Variants in SBSPON observed in about 807,000 individuals in gnomAD.
SBSPON encodes somatomedin-B and thrombospondin type-1 domain-containing protein.
SBSPON carries 30 observed loss-of-function variants against 35.8 expected under a neutral mutation model. The ratio of observed to expected loss-of-function variants is 0.84; its 90% CI spans 0.63 to 1.14. SBSPON has a LOEUF of 1.14. SBSPON is among the 50% of genes most tolerant of loss of function. The pLI, the probability that SBSPON is intolerant of heterozygous loss-of-function variation, is 0.00. For synonymous variants in SBSPON, 136 were observed against 135.9 expected, an observed-to-expected ratio of 1.00 and a Z score of 0.00; for missense variants, 364 against 357.7, an observed-to-expected ratio of 1.02 and a Z score of -0.14.
rs1205965290 is a variant in SBSPON at position 73,066,864 on chromosome 8, T to C, written c.*477A>G. On this transcript the variant is annotated 3_prime_UTR_variant, in exon 5 of 5. Transcript: ENST00000297354. ...TAATTTGCTTGAAATTATTTCAGAA[T>C]TTATGGAATATTAAATATATGGAAA... 2 of 152,080 alleles carry C rather than the reference T, an allele frequency of 1.3e-5. No homozygotes were observed. The highest frequency in any genetic ancestry group is 2.9e-5 in the Non-Finnish European group (2 of 68,018). 9.4% of individuals were successfully genotyped at this position (152,080 alleles called of 1,614,324 possible). A position where few individuals can be genotyped will look rare whatever the true frequency, so the allele number is the denominator to read the frequency against.
chr8:73,069,003 A>G (rs1392167163), intron 4 of SBSPON, among the ~76,000 whole-genome samples: 2 of 152,200 alleles, frequency 1.3e-5, no homozygotes, highest in African/African-American at 4.8e-5. Context: ...TCCTGCTACA[A>G]AGTCAGAGTT....
Position 73,081,074 on chromosome 8 carries a change from T to A in SBSPON, c.354A>T (p.Arg118Ser), listed in dbSNP as rs1197916028. The A allele has an allele frequency of 6.2e-7, 1 of 1,612,442 alleles. No homozygotes were observed. Among genetic ancestry groups the A allele is most frequent in the African/African-American group, 1.3e-5 (1 of 74,876 alleles). Residue 118 changes from arginine (R) to serine (S), a missense_variant, in exon 2 of 5, where the codon AGA becomes AGT. By Grantham distance (110) the Arg-to-Ser change is moderately radical (BLOSUM62 -1). Coordinates refer to ENST00000297354, the MANE Select transcript of SBSPON (RefSeq NM_153225.4). ...GGGTGGAGTACTCCAGGCAGCCAGCTCTCTCTTCCAGGGGTGGGCAGGGCG... is the reference window on the plus strand; with the variant it reads ...GGGTGGAGTACTCCAGGCAGCCAGCACTCTCTTCCAGGGGTGGGCAGGGCG... ...GGAPCPPLEE[R>S]AGCLEYSTPQ... is the part of the protein sequence containing the mutation.
intron 2 of SBSPON, among the ~76,000 whole-genome samples, chr8:73,079,070 C>T (rs1020656317): frequency 6.6e-6 from 1 of 152,148 alleles, no homozygotes; most frequent in Non-Finnish European, 1.5e-5. Flanking sequence ...CATGCTGGCA[C>T]AAAACTCAAA....
intron 3 of SBSPON, among the ~76,000 whole-genome samples, chr8:73,070,223 G>C (rs1168513993): frequency 6.6e-6 from 1 of 152,174 alleles, no homozygotes; most frequent in African/African-American, 2.4e-5. Flanking sequence ...TGAGCTCTCT[G>C]GGCAATATAA....
chr8:73,071,604 AC>A (rs1810492836), intron 3 of SBSPON, among the ~76,000 whole-genome samples, 175 bp downstream of exon 3: 1 of 152,210 alleles, frequency 6.6e-6, no homozygotes, highest in African/African-American at 2.4e-5. Flanking sequence ...TTATAGCTCC[AC>A]AAAAACCAGG....
intron 1 of SBSPON, among the ~76,000 whole-genome samples, chr8:73,090,871 C>G (rs1287084575): frequency 6.6e-6 from 1 of 152,198 alleles, no homozygotes; most frequent in Admixed American, 6.5e-5. Context: ...CCATACTTAC[C>G]CACTAAATCC....
intron 1 of SBSPON, chr8:73,083,983 G>A (rs1447799901): frequency 1.3e-5 from 2 of 152,244 alleles, no homozygotes; most frequent in African/African-American, 4.8e-5. Context: ...GGATTTAAAT[G>A]CAAGTAATTT....
At chr8:73,090,319 G>C (rs1437888482) in intron 1 of SBSPON, among the ~76,000 whole-genome samples, 2 of 151,898 alleles carry the variant, frequency 1.3e-5, no homozygotes, top group Admixed American at 1.3e-4. Context: ...GGTTACTTCT[G>C]GGATTAAAAA....
intron 4 of SBSPON, among the ~76,000 whole-genome samples, chr8:73,067,723 T>C (rs1563485007): frequency 9.6e-5 from 1 of 10,440 alleles, no homozygotes; most frequent in Non-Finnish European, 2.5e-4. Context: ...AAAAATTATT[T>C]GTAGGGATGG....
Position 73,066,923 on chromosome 8 carries a change from T to A in SBSPON, c.*418A>T, listed in dbSNP as rs1207825455. 6.3e-6 allele frequency: 1 copy of A among 158,388 alleles called. No individual in the cohort carries two copies. The highest frequency in any genetic ancestry group is 1.4e-5 in the Non-Finnish European group (1 of 71,280). 9.8% of individuals were successfully genotyped at this position (158,388 alleles called of 1,614,324 possible). A position where few individuals can be genotyped will look rare whatever the true frequency, so the allele number is the denominator to read the frequency against. On this transcript the variant is annotated 3_prime_UTR_variant, in exon 5 of 5. Coordinates refer to ENST00000297354, the MANE Select transcript of SBSPON (RefSeq NM_153225.4). ...TAGAGTGTGCATACCTGTATACATG[T>A]TTTAAAGTGAGAAACTTTTAAAAGA...
intron 1 of SBSPON, among the ~76,000 whole-genome samples, chr8:73,090,406 ACCAGCTT>A (rs1470234073): frequency 6.6e-6 from 1 of 152,206 alleles, no homozygotes; most frequent in Non-Finnish European, 1.5e-5. Context: ...GTTGCCCCGA[ACCAGCTT>A]CCAGCTGCCA....
intron 2 of SBSPON, among the ~76,000 whole-genome samples, chr8:73,073,820 C>T (rs1020259762): frequency 6.6e-6 from 1 of 150,716 alleles, no homozygotes; most frequent in African/African-American, 2.4e-5. Context: ...AAAACAAAAA[C>T]AAAAACAAAA....
At position 73,064,825 on chromosome 8, in the gene SBSPON, C is replaced by G. The variant is rs3955286; in HGVS notation, c.*2516G>C. Reference sequence around the variant, plus strand: ...ATCCCTTGCTTCTTTTCCCTTCTTTCCTGGTGGCTGTATTTATTTTTGTTC... The same window carrying G: ...ATCCCTTGCTTCTTTTCCCTTCTTTGCTGGTGGCTGTATTTATTTTTGTTC... On this transcript the variant is annotated 3_prime_UTR_variant, in exon 5 of 5. Transcript: ENST00000297354. 6.6e-6 allele frequency: 1 copy of G among 152,074 alleles called. No individual in the cohort carries two copies. Among genetic ancestry groups the G allele is most frequent in the Admixed American group, 6.5e-5 (1 of 15,286 alleles). The allele number at this position is 152,074 out of a possible 1,614,324, so 9.4% of individuals were successfully genotyped here.
chr8:73,069,357 T>C (rs907039079), intron 4 of SBSPON, among the ~76,000 whole-genome samples: 2 of 152,084 alleles, frequency 1.3e-5, no homozygotes, highest in Non-Finnish European at 2.9e-5. Flanking sequence ...CAATCTTGGA[T>C]CACTGCAACC....
Position 73,067,242 on chromosome 8 carries a change from G to C in SBSPON, c.*99C>G, listed in dbSNP as rs2129980325. On this transcript the variant is annotated 3_prime_UTR_variant, in exon 5 of 5. Coordinates refer to ENST00000297354, the MANE Select transcript of SBSPON (RefSeq NM_153225.4). ...TTCAGAGTGTGGCAATGATGTGTTT[G>C]GGGACTTTGGCCAAAATTGAAGGTT... 5 of 702,956 alleles carry C rather than the reference G, an allele frequency of 7.1e-6. No homozygotes were observed. In the Middle Eastern group the frequency reaches 1.2e-3, roughly 172 times the overall value. 43.5% of individuals were successfully genotyped at this position (702,956 alleles called of 1,614,324 possible).
At chr8:73,083,716 G>C (rs748320209) in intron 1 of SBSPON, 1 of 152,206 alleles carries the variant, frequency 6.6e-6, no homozygotes, top group Non-Finnish European at 1.5e-5. Flanking sequence ...CTTCACTTGA[G>C]TTTCACCAGC....
chr8:73,071,925 T>C, intron 2 of SBSPON, 55 bp from the exon 3 acceptor site: 1 of 1,193,316 alleles, frequency 8.4e-7, no homozygotes, highest in Admixed American at 1.7e-5. Context: ...CAGACCATCG[T>C]TTCCCAATTT....
chr8:73,071,450 A>G (rs1176750420), intron 3 of SBSPON, among the ~76,000 whole-genome samples: 1 of 152,186 alleles, frequency 6.6e-6, no homozygotes, highest in East Asian at 1.9e-4. Flanking sequence ...TTCACCAAAC[A>G]GAGGTGGTGC....
rs915953695 is a variant in SBSPON, at chr8:73,064,686, T to C, written c.*2655A>G. 1 of 152,134 alleles carries C rather than the reference T, an allele frequency of 6.6e-6. No homozygotes were observed. Among genetic ancestry groups the C allele is most frequent in the Admixed American group, 6.6e-5 (1 of 15,260 alleles). 9.4% of individuals were successfully genotyped at this position (152,134 alleles called of 1,614,324 possible). On this transcript the variant is annotated 3_prime_UTR_variant, in exon 5 of 5. Transcript: ENST00000297354. ...TATGCTTAATTGTAACATTCTCGAA[T>C]AAAAACCAAAGCAAAACTCCAAAAA...
Sources: gnomAD v4.1 joint callset for allele counts (sites outside exome capture counted in the v4.1 genomes callset) on GRCh38, gnomAD v4.1.1 for gene constraint, MANE v1.5 for transcripts, NCBI Gene and HGNC (gene_info 2026-07-23, HGNC 2026-07-21) for gene names.